MYT1L: variants seen among roughly 807,000 people sequenced by gnomAD.
MYT1L encodes myelin transcription factor 1 like, also known as myelin transcription factor 1-like protein.
MYT1L carries 12 observed loss-of-function variants against 126.7 expected under a neutral mutation model. The ratio of observed to expected loss-of-function variants is 0.09; its 90% CI spans 0.06 to 0.15. The LOEUF is 0.15. MYT1L is among the 10% of genes least tolerant of loss of function. MYT1L has a pLI of 1.00. For missense variants in MYT1L, 979 were observed against 1,585.2 expected, an observed-to-expected ratio of 0.62 and a Z score of 6.49; for synonymous variants, 541 against 604.2, an observed-to-expected ratio of 0.90 and a Z score of 1.53.
chr2:2,277,772 T>C lies in MYT1L; in HGVS notation c.-421+6632A>G, dbSNP rs115803561. ...AATTATAGAAAAAAATGGGGTTGTATACCCTTTGCAACAGAATAAAAAAGA... is the reference window on the plus strand; with the variant it reads ...AATTATAGAAAAAAATGGGGTTGTACACCCTTTGCAACAGAATAAAAAAGA... On this transcript the variant is annotated intron_variant, in intron 2 of 24. Transcript: ENST00000647738. Among the ~76,000 whole-genome samples, 1,112 of 152,276 alleles carry C rather than the reference T, an allele frequency of 7.3e-3. 15 individuals carry two copies. Among genetic ancestry groups the C allele is most frequent in the African/African-American group, 0.026 (1,068 of 41,564 alleles).
chr2:2,081,485 C>A lies in MYT1L; in HGVS notation c.-303-27362G>T, dbSNP rs556989803. ...ACTCAGCATGGTGGAACTAGAGGGC[C>A]AAATGGCTCTCAAAGTAAATTAATA... On this transcript the variant is annotated intron_variant, in intron 3 of 24. Transcript: ENST00000647738. 3.3e-5 allele frequency among the ~76,000 whole-genome samples: 5 copies of A among 152,226 alleles called. No individual in the cohort carries two copies. In the South Asian group the frequency reaches 1.0e-3, roughly 32 times the overall value.
At chr2:1,914,353 C>T (rs1281886750) in intron 11 of MYT1L, among the ~76,000 whole-genome samples, 1 of 152,120 alleles carries the variant, frequency 6.6e-6, no homozygotes, top group Admixed American at 6.5e-5. Flanking sequence ...CCTTCCTCTC[C>T]TGGTTTTCTG....
chr2:2,263,211 C>T (rs1217205236), intron 2 of MYT1L, among the ~76,000 whole-genome samples: 2 of 151,702 alleles, frequency 1.3e-5, no homozygotes, highest in Non-Finnish European at 2.9e-5. Context: ...CATAAACAGT[C>T]TTCTTTCAGC....
chr2:1,917,345 A>C lies in MYT1L; in HGVS notation c.1484-6T>G. ...CTTTTCTGTTCTTGAGGGATCTAAA[A>C]GCGACAACAGGTGCCAAGAGAATAA... On this transcript the variant is annotated splice_region_variant and splice_polypyrimidine_tract_variant and intron_variant, in intron 10 of 24. Coordinates refer to ENST00000647738, the MANE Select transcript of MYT1L (RefSeq NM_001303052.2). The surrounding 1 kb of genome is among the most constrained non-coding windows in gnomAD (Gnocchi z 5.9). The C allele has an allele frequency of 1.9e-6, 3 of 1,602,108 alleles. No homozygotes were observed. Among genetic ancestry groups the C allele is most frequent in the Non-Finnish European group, 2.6e-6 (3 of 1,172,130 alleles).
At chr2:2,315,934 C>A (rs1358013288) in intron 1 of MYT1L, among the ~76,000 whole-genome samples, 1 of 152,144 alleles carries the variant, frequency 6.6e-6, no homozygotes, top group Non-Finnish European at 1.5e-5. Context: ...TACACCTCTC[C>A]ATTTATTTTC....
At chr2:1,941,434 A>G (rs2056629585) in intron 9 of MYT1L, among the ~76,000 whole-genome samples, 2 of 152,356 alleles carry the variant, frequency 1.3e-5, no homozygotes, top group South Asian at 2.1e-4. Flanking sequence ...CACTTAATAC[A>G]GTGTCCAGAA....
chr2:1,964,506 C>T (rs1441147112), intron 8 of MYT1L, among the ~76,000 whole-genome samples: 1 of 152,162 alleles, frequency 6.6e-6, no homozygotes, highest in African/African-American at 2.4e-5. Context: ...GTGCAATAAA[C>T]AGGGTGTGCC....
At chr2:2,217,696 ACAACAACAAC>A (rs1559366877) in intron 2 of MYT1L, among the ~76,000 whole-genome samples, 1,634 of 98,708 alleles carry the variant, frequency 0.017, 92 homozygotes, top group South Asian at 0.026. Flanking sequence ...AACAACAACA[ACAACAACAAC>A]AAAAAAAAAA....
At chr2:1,926,132 GGGGACGGCGGGTGAAGATGGCGT>G (rs1228267543) in intron 9 of MYT1L, among the ~76,000 whole-genome samples, 1 of 152,184 alleles carries the variant, frequency 6.6e-6, no homozygotes, top group Non-Finnish European at 1.5e-5. Context: ...CAGCAAATGT[GGGGACGGCGGGTGAAGATGGCGT>G]GGGTGGCCTC....
chr2:2,011,209 C>G (rs1318841345), intron 4 of MYT1L, among the ~76,000 whole-genome samples: 1 of 151,946 alleles, frequency 6.6e-6, no homozygotes, highest in Non-Finnish European at 1.5e-5. Context: ...GCCAACACGG[C>G]AAAACCCTGT....
Position 1,851,684 on chromosome 2 carries a change from C to T in MYT1L, c.2731G>A (p.Asp911Asn). The change falls in exon 19 of 25, where the codon GAT (aspartate) becomes AAT (asparagine). Residue 911 changes from aspartate (D) to asparagine (N), a missense_variant. Physicochemically the swap from Asp to Asn is conservative, Grantham distance 23. This residue lies in a region of MYT1L where 179 missense variants were observed against 398.6 expected (regional missense o/e 0.45). Coordinates refer to ENST00000647738, the MANE Select transcript of MYT1L (RefSeq NM_001303052.2). ...TTGCCGGTGATATGTCCAGAACCAT[C>T]ACAGCCAGGCGTGGGGCACCTACAA... ...QELKCPTPGCDGSGHITGNYA... is the reference protein window; with the variant it reads ...QELKCPTPGCNGSGHITGNYA... 1 of 1,613,896 alleles carries T rather than the reference C, an allele frequency of 6.2e-7. No homozygotes were observed. The highest frequency in any genetic ancestry group is 8.5e-7 in the Non-Finnish European group (1 of 1,179,844).
chr2:2,117,733 A>C (rs1392273577), intron 3 of MYT1L, among the ~76,000 whole-genome samples: 1 of 152,188 alleles, frequency 6.6e-6, no homozygotes, highest in Non-Finnish European at 1.5e-5. Context: ...TCACAATAAA[A>C]ACTAACAAAA....
At chr2:2,207,985 G>C (rs1452804614) in intron 2 of MYT1L, among the ~76,000 whole-genome samples, 1 of 151,980 alleles carries the variant, frequency 6.6e-6, no homozygotes, top group African/African-American at 2.4e-5. Context: ...TGGTAGGTTG[G>C]GTTCAATCCA....
rs2093969838 is a variant in MYT1L, at chr2:2,224,896, T to C, written c.-420-51908A>G. On this transcript the variant is annotated intron_variant, in intron 2 of 24. Coordinates refer to ENST00000647738, the MANE Select transcript of MYT1L (RefSeq NM_001303052.2). The surrounding 1 kb of genome is among the most constrained non-coding windows in gnomAD (Gnocchi z 4.0). ...TTAACCAGGGCTAGCCTTATGCTTG[T>C]GTGCTGGGCAGTCATACGCTGGGTT... Among the ~76,000 whole-genome samples the C allele has an allele frequency of 6.6e-6, 1 of 152,098 alleles. No homozygotes were observed. The highest frequency in any genetic ancestry group is 2.4e-5 in the African/African-American group (1 of 41,434).
chr2:1,996,253 G>A (rs1439029142), intron 5 of MYT1L, among the ~76,000 whole-genome samples: 2 of 152,196 alleles, frequency 1.3e-5, no homozygotes, highest in East Asian at 1.9e-4. Flanking sequence ...AGTGGGGGCC[G>A]CCCTGCCTCA....
intron 21 of MYT1L, among the ~76,000 whole-genome samples, chr2:1,821,367 C>T (rs1354819865): frequency 6.6e-6 from 1 of 151,982 alleles, no homozygotes; most frequent in African/African-American, 2.4e-5. Flanking sequence ...ATTTATGGGA[C>T]ATTACCTCAA....
chr2:1,985,116 C>A (rs542847468), intron 5 of MYT1L, among the ~76,000 whole-genome samples: 1 of 152,322 alleles, frequency 6.6e-6, no homozygotes, highest in South Asian at 2.1e-4. Context: ...CCAGGCCTCC[C>A]TCCCTGCCAC....
intron 18 of MYT1L, among the ~76,000 whole-genome samples, chr2:1,866,673 G>GC: frequency 9.2e-6 from 1 of 108,166 alleles, no homozygotes; most frequent in Non-Finnish European, 1.9e-5. Context: ...GAGAGGGAGG[G>GC]AGAGAGAGAG....
chr2:2,097,171 G>A (rs543654750), intron 3 of MYT1L, among the ~76,000 whole-genome samples: 1 of 152,130 alleles, frequency 6.6e-6, no homozygotes, highest in South Asian at 2.1e-4. Flanking sequence ...TCTCTATTCC[G>A]TGGGACTCCC....
Sources: gnomAD v4.1 joint callset for allele counts (sites outside exome capture counted in the v4.1 genomes callset) on GRCh38, gnomAD v4.1.1 for gene constraint, gnomAD v4.1.1 regional missense constraint, Gnocchi (gnomAD v3.1) non-coding constraint, MANE v1.5 for transcripts, NCBI Gene and HGNC (gene_info 2026-07-23, HGNC 2026-07-21) for gene names.